The following HS3ST4 variants were observed in gnomAD, a reference collection of about 807,000 sequenced individuals.
The protein encoded by HS3ST4 is heparan sulfate-glucosamine 3-sulfotransferase 4, also known as heparan sulfate glucosamine 3-O-sulfotransferase 4.
A neutral mutation model predicts 29.2 loss-of-function variants in HS3ST4; 17 were observed. That is an observed-to-expected ratio of 0.58 (90% CI 0.40 to 0.87). The LOEUF is 0.87. Among genes scored for constraint, HS3ST4 ranks in the 40% least tolerant of loss-of-function variants. The probability of loss-of-function intolerance (pLI) is 0.00; values close to 1 mark genes in which losing one functional copy is unlikely to be tolerated. For synonymous variants in HS3ST4, 314 were observed against 285.7 expected (o/e 1.10, Z -1.00); for missense variants, 627 against 634.5 (o/e 0.99, Z 0.13).
chr16:25,807,022 G>C (rs1317110555), intron 1 of HS3ST4, among the ~76,000 whole-genome samples: 1 of 152,144 alleles, frequency 6.6e-6, no homozygotes, highest in Non-Finnish European at 1.5e-5. Flanking sequence ...GCTCAGGCTG[G>C]AGTGCAATGG....
At chr16:25,736,099 GT>G (rs779434603) in intron 1 of HS3ST4, among the ~76,000 whole-genome samples, 8 of 152,164 alleles carry the variant, frequency 5.3e-5, no homozygotes, top group Admixed American at 2.6e-4. Context: ...CCTAGGCTAG[GT>G]TTTCATCTCC....
intron 1 of HS3ST4, among the ~76,000 whole-genome samples, chr16:26,101,668 C>T (rs1898991403): frequency 6.6e-6 from 1 of 151,968 alleles, no homozygotes; most frequent in Non-Finnish European, 1.5e-5. Context: ...TATAAAAGTT[C>T]CTTAATCAGT....
intron 1 of HS3ST4, among the ~76,000 whole-genome samples, chr16:25,768,971 C>A (rs1012210301): frequency 6.6e-6 from 1 of 152,068 alleles, no homozygotes; most frequent in African/African-American, 2.4e-5. Flanking sequence ...CTGTTGTTGA[C>A]CTTTGGTCCA....
At chr16:25,781,321 A>G (rs1966852378) in intron 1 of HS3ST4, among the ~76,000 whole-genome samples, 1 of 152,178 alleles carries the variant, frequency 6.6e-6, no homozygotes, top group East Asian at 1.9e-4. Context: ...TTTCCCATAC[A>G]CACCAGCACC....
At chr16:25,876,162 A>T (rs1487645171) in intron 1 of HS3ST4, among the ~76,000 whole-genome samples, 1 of 152,174 alleles carries the variant, frequency 6.6e-6, no homozygotes, top group Admixed American at 6.6e-5. Flanking sequence ...GAGCATTCCC[A>T]GAATACAACC....
At chr16:25,907,649 A>G (rs979994703) in intron 1 of HS3ST4, among the ~76,000 whole-genome samples, 5 of 152,196 alleles carry the variant, frequency 3.3e-5, no homozygotes, top group African/African-American at 1.2e-4. Context: ...CTAACAGTCA[A>G]TATTTACCCT....
intron 1 of HS3ST4, among the ~76,000 whole-genome samples, chr16:26,066,910 G>A (rs1898549852): frequency 6.6e-6 from 1 of 152,188 alleles, no homozygotes. Flanking sequence ...GTGGGGTTGT[G>A]TAGGCATCAG....
intron 1 of HS3ST4, among the ~76,000 whole-genome samples, chr16:26,041,577 G>A (rs548115153): frequency 4.6e-5 from 7 of 152,074 alleles, no homozygotes; most frequent in South Asian, 2.1e-4. Flanking sequence ...TCAGAAGTAC[G>A]GAAACTTTTT....
At chr16:25,786,920 A>G (rs1266648130) in intron 1 of HS3ST4, among the ~76,000 whole-genome samples, 1 of 152,234 alleles carries the variant, frequency 6.6e-6, no homozygotes, top group Non-Finnish European at 1.5e-5. Flanking sequence ...ACTTTTATGA[A>G]CAGCAGATTC....
At chr16:25,917,992 A>T (rs1968308895) in intron 1 of HS3ST4, among the ~76,000 whole-genome samples, 1 of 152,140 alleles carries the variant, frequency 6.6e-6, no homozygotes, top group Admixed American at 6.5e-5. Flanking sequence ...TCCAAACCTT[A>T]TGATCAGGCT....
At chr16:26,057,523 G>A (rs1036832910) in intron 1 of HS3ST4, among the ~76,000 whole-genome samples, 3 of 152,174 alleles carry the variant, frequency 2.0e-5, no homozygotes, top group Admixed American at 6.5e-5. Context: ...GGGAGGCTGA[G>A]GTGGGCAGAT....
intron 1 of HS3ST4, among the ~76,000 whole-genome samples, chr16:25,813,242 C>A (rs2141629404): frequency 6.6e-6 from 1 of 152,218 alleles, no homozygotes; most frequent in South Asian, 2.1e-4. Context: ...CATGAGATAC[C>A]ATTCTACAGC....
intron 1 of HS3ST4, among the ~76,000 whole-genome samples, chr16:25,794,303 C>T (rs13336401): frequency 1.3e-4 from 20 of 151,984 alleles, no homozygotes; most frequent in South Asian, 1.2e-3. Context: ...ATTATATTCA[C>T]TCTCATATTT....
chr16:25,828,301 C>CCTCTCTCTCTCT lies in HS3ST4; in HGVS notation c.734+135177_734+135188dup, dbSNP rs1196055715. On this transcript the variant is annotated intron_variant, in intron 1 of 1. Transcript: ENST00000331351. ...CTTTCTTTCTTTCTTTCTTTCTTTC[C>CCTCTCTCTCTCT]CTCTCTCTCTCTCTCTCTCTCTCTC... 4.6e-3 allele frequency among the ~76,000 whole-genome samples: 152 copies of CCTCTCTCTCTCT among 32,884 alleles called. 9 individuals carry two copies. The highest frequency in any genetic ancestry group is 0.014 in the East Asian group (14 of 1,006). The allele number at this position is 32,884 out of a possible 152,430, so 21.6% of individuals were successfully genotyped here.
chr16:25,898,453 A>G (rs2141672181), intron 1 of HS3ST4, among the ~76,000 whole-genome samples: 1 of 152,318 alleles, frequency 6.6e-6, no homozygotes, highest in South Asian at 2.1e-4. Context: ...CCCTTCTTGC[A>G]GATCAGCTTC....
chr16:25,714,318 C>T (rs7199877), intron 1 of HS3ST4, among the ~76,000 whole-genome samples: 38 of 152,314 alleles, frequency 2.5e-4, no homozygotes, highest in African/African-American at 8.9e-4. Flanking sequence ...GGCTGTGTCT[C>T]CTCCCCTTTG....
intron 1 of HS3ST4, among the ~76,000 whole-genome samples, chr16:25,860,854 G>A (rs1416213026): frequency 6.6e-6 from 1 of 152,098 alleles, no homozygotes; most frequent in Non-Finnish European, 1.5e-5. Context: ...GAACTCCAAT[G>A]TAAACTATGG....
intron 1 of HS3ST4, among the ~76,000 whole-genome samples, chr16:26,076,519 G>C (rs1244138763): frequency 6.6e-6 from 1 of 152,166 alleles, no homozygotes; most frequent in Non-Finnish European, 1.5e-5. Flanking sequence ...GGGGGATAAG[G>C]GTTGGGAGCT....
At chr16:26,090,684 C>A (rs966940975) in intron 1 of HS3ST4, among the ~76,000 whole-genome samples, 2 of 152,002 alleles carry the variant, frequency 1.3e-5, no homozygotes, top group East Asian at 1.9e-4. Flanking sequence ...AAAGGGCATG[C>A]GATCATAGAT....
Sources: allele counts gnomAD v4.1 joint callset (sites outside exome capture counted in the v4.1 genomes callset), GRCh38; gene constraint gnomAD v4.1.1; transcripts MANE v1.5; gene names NCBI Gene and HGNC (gene_info 2026-07-23, HGNC 2026-07-21).